Variants in ODAD2 observed in about 807,000 individuals in gnomAD.
The protein encoded by ODAD2 is outer dynein arm-docking complex subunit 2.
Under a neutral mutation model 106.8 loss-of-function variants are expected in ODAD2, and 89 were observed. The observed-to-expected ratio is 0.83, with a 90% CI of 0.70 to 0.99. The LOEUF (loss-of-function observed/expected upper bound fraction) is 0.99. Ranked by LOEUF, ODAD2 falls within the 50% of genes least tolerant of loss-of-function variation. The pLI is 0.00. For synonymous variants in ODAD2, 404 were observed against 436.2 expected, an observed-to-expected ratio of 0.93 and a Z score of 0.92; for missense variants, 1,168 against 1,238.5, an observed-to-expected ratio of 0.94 and a Z score of 0.85.
rs11816595 is a variant in ODAD2 at position 27,928,312 on chromosome 10, C to T, written c.2495+6698G>A. ...CTCATGTTCAGTCATTCACTTGGTC[C>T]CATCCATTCTCTTCCATCATAGGTC... On this transcript the variant is annotated intron_variant, in intron 16 of 19. Coordinates refer to ENST00000305242, the MANE Select transcript of ODAD2 (RefSeq NM_018076.5). Among the ~76,000 whole-genome samples the T allele has an allele frequency of 4.6e-3, 702 of 152,178 alleles. 4 individuals are homozygous for T. Among genetic ancestry groups the T allele is most frequent in the Non-Finnish European group, 7.7e-3 (521 of 67,978 alleles).
intron 19 of ODAD2, among the ~76,000 whole-genome samples, chr10:27,817,170 G>A (rs1836200945): frequency 6.6e-6 from 1 of 152,110 alleles, no homozygotes; most frequent in Admixed American, 6.5e-5. Context: ...CGAGCAGGAA[G>A]AACAGAGTAG....
At chr10:27,945,985 G>T (rs1846887998) in intron 10 of ODAD2, among the ~76,000 whole-genome samples, 1 of 150,376 alleles carries the variant, frequency 6.6e-6, no homozygotes, top group Admixed American at 6.6e-5. Context: ...CATTTATTAA[G>T]CATTATATTT....
chr10:27,908,748 G>T (rs563276017), intron 16 of ODAD2, among the ~76,000 whole-genome samples: 3 of 116,142 alleles, frequency 2.6e-5, no homozygotes, highest in African/African-American at 9.6e-5. Flanking sequence ...TATCTTAGAT[G>T]AGTTTACCAG....
intron 10 of ODAD2, among the ~76,000 whole-genome samples, chr10:27,950,645 G>A (rs573212238): frequency 2.0e-4 from 30 of 152,074 alleles, no homozygotes; most frequent in Admixed American, 1.3e-3. Flanking sequence ...GGAGTGCAAC[G>A]GTGTGATCTC....
intron 2 of ODAD2, among the ~76,000 whole-genome samples, chr10:27,990,981 C>T (rs1278503836): frequency 3.9e-5 from 6 of 152,084 alleles, no homozygotes; most frequent in African/African-American, 1.2e-4. Flanking sequence ...CAGGTAATAA[C>T]ATTTTCACCA....
chr10:27,961,808 T>C (rs1848163104), intron 9 of ODAD2, 93 bp from the exon 10 acceptor site: 1 of 1,078,040 alleles, frequency 9.3e-7, no homozygotes, highest in Non-Finnish European at 1.3e-6. Flanking sequence ...CTCATGCCTA[T>C]AATCTCAGTG....
chr10:27,904,136 C>A, intron 17 of ODAD2: 1 of 177,136 alleles, frequency 5.6e-6, no homozygotes, highest in Non-Finnish European at 1.2e-5. Flanking sequence ...CTTAGTTTAG[C>A]TCCTATCAGC....
At chr10:27,821,768 A>AT (rs935819773) in intron 19 of ODAD2, among the ~76,000 whole-genome samples, 102 of 152,196 alleles carry the variant, frequency 6.7e-4, no homozygotes, top group African/African-American at 2.4e-3. Context: ...TTTGGTATCT[A>AT]TTTTTTTATC....
At chr10:27,992,906 C>T (rs561940414) in intron 2 of ODAD2, among the ~76,000 whole-genome samples, 11 of 152,060 alleles carry the variant, frequency 7.2e-5, no homozygotes, top group African/African-American at 2.7e-4. Context: ...GCTTTAAATG[C>T]ATTTTTATAA....
intron 19 of ODAD2, among the ~76,000 whole-genome samples, chr10:27,839,717 G>T (rs1009073414): frequency 6.6e-6 from 1 of 152,192 alleles, no homozygotes; most frequent in Non-Finnish European, 1.5e-5. Flanking sequence ...AACATATAAA[G>T]ATGTATAATT....
At chr10:27,915,683 G>T (rs1474223116) in intron 16 of ODAD2, among the ~76,000 whole-genome samples, 1 of 152,106 alleles carries the variant, frequency 6.6e-6, no homozygotes, top group Non-Finnish European at 1.5e-5. Context: ...ATGCTAGAAG[G>T]AAAAGAACTG....
At chr10:27,984,560 CT>C (rs1374112780) in intron 4 of ODAD2, among the ~76,000 whole-genome samples, 2 of 152,090 alleles carry the variant, frequency 1.3e-5, no homozygotes, top group East Asian at 1.9e-4. Context: ...AATGAACATG[CT>C]TTGGACTATA....
At chr10:27,913,256 T>C (rs534054728) in intron 16 of ODAD2, among the ~76,000 whole-genome samples, 10 of 152,046 alleles carry the variant, frequency 6.6e-5, no homozygotes, top group Admixed American at 1.3e-4. Context: ...ACCTGATAGG[T>C]AGTTTTTCGA....
intron 17 of ODAD2, among the ~76,000 whole-genome samples, chr10:27,902,632 C>T (rs1467982277): frequency 1.3e-5 from 2 of 152,156 alleles, no homozygotes; most frequent in Non-Finnish European, 2.9e-5. Context: ...ACTGATCCCA[C>T]AGAAATACAA....
At position 27,985,209 on chromosome 10, in the gene ODAD2, T is replaced by G; in HGVS notation, c.385A>C (p.Asn129His). 1 of 1,487,632 alleles carries G rather than the reference T, an allele frequency of 6.7e-7. No individual in the cohort carries two copies. The highest frequency in any genetic ancestry group is 2.5e-5 in the East Asian group (1 of 40,346). 92.2% of individuals were successfully genotyped at this position (1,487,632 alleles called of 1,614,324 possible). The change falls in exon 4 of 20, where the codon AAC becomes CAC. Residue 129 changes from asparagine to histidine, a missense_variant and splice_region_variant. Transcript: ENST00000305242. ...LKEAQACVEA[N>H]RDPIVKILGS... The stretch of plus-strand genomic sequence containing the variant: ...AGGATTTTTACTATGGGGTCTCTGT[T>G]AGCTGCCAAAAAAAAAAAAAAGGAG...
rs528227005 is a variant in ODAD2 at position 27,844,846 on chromosome 10, T to C, written c.3021+15779A>G. On this transcript the variant is annotated intron_variant, in intron 19 of 19. Transcript: ENST00000305242. ...TCTAAGAAGGGGAGGAAAATTTATT[T>C]GGCTAGCGATGGGGTGGTGGCGAAG... Among the ~76,000 whole-genome samples the C allele has an allele frequency of 4.6e-5, 7 of 152,324 alleles. No homozygotes were observed. In the East Asian group the frequency reaches 1.3e-3, roughly 29 times the overall value.
At chr10:27,952,653 C>T (rs966993168) in intron 10 of ODAD2, among the ~76,000 whole-genome samples, 1 of 152,112 alleles carries the variant, frequency 6.6e-6, no homozygotes, top group Non-Finnish European at 1.5e-5. Context: ...ATTTAAAAGT[C>T]TATCAATGCC....
chr10:27,880,182 C>T (rs756655378), intron 17 of ODAD2, among the ~76,000 whole-genome samples: 1 of 152,164 alleles, frequency 6.6e-6, no homozygotes, highest in African/African-American at 2.4e-5. Flanking sequence ...CCCTGTCCTG[C>T]CCTTACAGGA....
At position 27,971,261 on chromosome 10, in the gene ODAD2, G is replaced by T; in HGVS notation, c.989C>A (p.Ala330Asp). Residue 330 changes from alanine (A) to aspartate (D), a missense_variant, in exon 8 of 20, where the codon GCC becomes GAC. Physicochemically the swap from Ala to Asp is moderately radical, Grantham distance 126 (BLOSUM62 -2). Coordinates refer to ENST00000305242, the MANE Select transcript of ODAD2 (RefSeq NM_018076.5). Reference sequence around the variant, plus strand: ...GGCAGCTGCTTCTTCCTTCTTGGGGGCTTTGCCAAGCTGATCCTTTTCCTT... The same window carrying T: ...GGCAGCTGCTTCTTCCTTCTTGGGGTCTTTGCCAAGCTGATCCTTTTCCTT... ...QQKEKDQLGK[A>D]PKKEEAAALR... is the part of the protein sequence containing the mutation. 3 of 1,613,234 alleles carry T rather than the reference G, an allele frequency of 1.9e-6. No individual in the cohort carries two copies. The highest frequency in any genetic ancestry group is 2.5e-6 in the Non-Finnish European group (3 of 1,179,528).
Sources: allele counts gnomAD v4.1 joint callset (sites outside exome capture counted in the v4.1 genomes callset), GRCh38; gene constraint gnomAD v4.1.1; transcripts MANE v1.5; gene names NCBI Gene and HGNC (gene_info 2026-07-23, HGNC 2026-07-21).